The following ANKRD6 variants were observed in gnomAD, a reference collection of about 807,000 sequenced individuals.
ANKRD6 encodes ankyrin repeat domain 6.
In ANKRD6, 56 loss-of-function variants were observed where a neutral mutation model predicts 82.3. The observed-to-expected ratio is 0.68, with a 90% CI of 0.55 to 0.85. The LOEUF (loss-of-function observed/expected upper bound fraction) is 0.85, where lower values mean the gene tolerates loss of function less well. ANKRD6 is among the 40% of genes least tolerant of loss of function. The pLI is 0.00. For synonymous variants in ANKRD6, 347 were observed against 352.1 expected, an observed-to-expected ratio of 0.99 and a Z score of 0.16; for missense variants, 852 against 907.6, an observed-to-expected ratio of 0.94 and a Z score of 0.79.
chr6:89,446,877 C>A (rs1238293325), intron 1 of ANKRD6, among the ~76,000 whole-genome samples: 1 of 152,068 alleles, frequency 6.6e-6, no homozygotes, highest in Non-Finnish European at 1.5e-5. Flanking sequence ...GGGGCTTTTC[C>A]CCCTTTTGAT....
intron 1 of ANKRD6, among the ~76,000 whole-genome samples, chr6:89,544,648 A>T (rs977904144): frequency 2.0e-5 from 3 of 152,040 alleles, no homozygotes; most frequent in African/African-American, 7.2e-5. Flanking sequence ...CAGGAGGCGG[A>T]GGTTGCAGTG....
At chr6:89,602,806 G>A in intron 3 of ANKRD6, 1 of 530,598 alleles carries the variant, frequency 1.9e-6, no homozygotes, top group South Asian at 2.5e-5. Flanking sequence ...TCGGCTTAAG[G>A]TCCCCCTCTT....
chr6:89,566,453 C>A (rs1309181063), intron 1 of ANKRD6, among the ~76,000 whole-genome samples: 1 of 152,226 alleles, frequency 6.6e-6, no homozygotes, highest in Non-Finnish European at 1.5e-5. Flanking sequence ...AAAATCCAAC[C>A]AGGGGGCCTT....
At chr6:89,435,906 AT>A (rs2127920758) in intron 1 of ANKRD6, among the ~76,000 whole-genome samples, 1 of 152,190 alleles carries the variant, frequency 6.6e-6, no homozygotes, top group South Asian at 2.1e-4. Flanking sequence ...TCTTTGTTTT[AT>A]TTCTTCAAGG....
chr6:89,611,169 CTATT>C (rs1380674139), intron 5 of ANKRD6, among the ~76,000 whole-genome samples: 5 of 115,984 alleles, frequency 4.3e-5, no homozygotes, highest in Non-Finnish European at 5.5e-5. Context: ...CAGTATTCCT[CTATT>C]TTTTTTTTTT....
rs776789198 is a variant in ANKRD6, at chr6:89,627,601, C to T, written c.1390C>T (p.Leu464=). The T allele has an allele frequency of 6.2e-7, 1 of 1,613,782 alleles. No homozygotes were observed. ...CTCCTAGATGCGTGTTTTGGACAAG[C>T]TGATGGTTGAGCGACTTTCTGCAGA... ...TQHQMRVLDK[L]MVERLSAERT... The change falls in exon 14 of 16, where the codon CTG becomes TTG. Residue 464 remains leucine, a synonymous_variant. Transcript: ENST00000339746.
intron 1 of ANKRD6, among the ~76,000 whole-genome samples, chr6:89,472,598 T>A (rs571165187): frequency 6.6e-6 from 1 of 152,326 alleles, no homozygotes; most frequent in African/African-American, 2.4e-5. Context: ...ACCACTAGCC[T>A]GAGTTATGGA....
intron 1 of ANKRD6, among the ~76,000 whole-genome samples, chr6:89,461,352 A>ATT (rs1450294634): frequency 6.6e-6 from 1 of 152,234 alleles, no homozygotes; most frequent in African/African-American, 2.4e-5. Context: ...GGCACATATG[A>ATT]TATAAGAGTA....
intron 5 of ANKRD6, among the ~76,000 whole-genome samples, chr6:89,606,485 A>G (rs1368387180): frequency 6.6e-6 from 1 of 152,150 alleles, no homozygotes; most frequent in African/African-American, 2.4e-5. Flanking sequence ...GGGCTCCCCT[A>G]GATGCTGCTG....
chr6:89,536,363 G>A (rs990009341), intron 1 of ANKRD6, among the ~76,000 whole-genome samples: 3 of 152,162 alleles, frequency 2.0e-5, no homozygotes, highest in Non-Finnish European at 2.9e-5. Flanking sequence ...CTGCCTCTGC[G>A]CCTTTGTTTT....
At chr6:89,531,886 G>GT (rs1783194257) in intron 1 of ANKRD6, among the ~76,000 whole-genome samples, 1 of 152,218 alleles carries the variant, frequency 6.6e-6, no homozygotes, top group Non-Finnish European at 1.5e-5. Flanking sequence ...AATCTGTAGG[G>GT]TGGGTTGGCA....
At chr6:89,567,957 C>T (rs971490049) in intron 2 of ANKRD6, among the ~76,000 whole-genome samples, 2 of 152,222 alleles carry the variant, frequency 1.3e-5, no homozygotes, top group African/African-American at 2.4e-5. Context: ...TAGAAGGTCA[C>T]CTGTTAACTT....
At chr6:89,560,507 T>C (rs1787241871) in intron 1 of ANKRD6, among the ~76,000 whole-genome samples, 1 of 152,176 alleles carries the variant, frequency 6.6e-6, no homozygotes, top group Admixed American at 6.5e-5. Flanking sequence ...CGCAATTCAG[T>C]TCATAGCAGA....
At chr6:89,559,518 G>A (rs1583277921) in intron 1 of ANKRD6, among the ~76,000 whole-genome samples, 4 of 152,194 alleles carry the variant, frequency 2.6e-5, no homozygotes, top group African/African-American at 9.7e-5. Flanking sequence ...AAAAACTGGG[G>A]ACAGAAAAGC....
intron 1 of ANKRD6, among the ~76,000 whole-genome samples, chr6:89,538,497 G>A (rs1009279101): frequency 6.6e-6 from 1 of 152,154 alleles, no homozygotes; most frequent in Non-Finnish European, 1.5e-5. Flanking sequence ...AGTACAGAGC[G>A]GAAGAAGCAT....
At chr6:89,615,035 G>A (rs1234413398) in intron 7 of ANKRD6, among the ~76,000 whole-genome samples, 11 of 152,004 alleles carry the variant, frequency 7.2e-5, no homozygotes, top group Non-Finnish European at 8.8e-5. Context: ...GAATATTACC[G>A]TCTTCCTTAG....
intron 2 of ANKRD6, among the ~76,000 whole-genome samples, chr6:89,595,581 C>A (rs917341867): frequency 6.6e-6 from 1 of 152,140 alleles, no homozygotes; most frequent in Non-Finnish European, 1.5e-5. Context: ...CTTCATTATT[C>A]CTCAGTATTA....
chr6:89,558,192 A>T (rs1786886567), intron 1 of ANKRD6, among the ~76,000 whole-genome samples: 1 of 152,198 alleles, frequency 6.6e-6, no homozygotes, highest in Admixed American at 6.5e-5. Flanking sequence ...CTGTGCTGCC[A>T]TATTACCCAG....
At chr6:89,585,841 G>A (rs572649174) in intron 2 of ANKRD6, among the ~76,000 whole-genome samples, 1 of 152,204 alleles carries the variant, frequency 6.6e-6, no homozygotes, top group African/African-American at 2.4e-5. Flanking sequence ...GGAGGCGGAG[G>A]TTGCAGTGAG....
Sources: gnomAD v4.1 joint callset for allele counts (sites outside exome capture counted in the v4.1 genomes callset) on GRCh38, gnomAD v4.1.1 for gene constraint, MANE v1.5 for transcripts, NCBI Gene and HGNC (gene_info 2026-07-23, HGNC 2026-07-21) for gene names.